Variants in APIP observed in about 807,000 individuals in gnomAD.
APIP encodes APAF1 interacting protein, also known as methylthioribulose-1-phosphate dehydratase.
APIP carries 32 observed loss-of-function variants against 32.0 expected under a neutral mutation model. The ratio of observed to expected loss-of-function variants is 1.00; its 90% CI spans 0.76 to 1.34. APIP has a LOEUF of 1.34. APIP is among the 40% of genes most tolerant of loss of function. The pLI, the probability that APIP is intolerant of heterozygous loss-of-function variation, is 0.00. For synonymous variants in APIP, 92 were observed against 94.8 expected, an observed-to-expected ratio of 0.97 and a Z score of 0.17; for missense variants, 247 against 298.6, an observed-to-expected ratio of 0.83 and a Z score of 1.27.
intron 1 of APIP, among the ~76,000 whole-genome samples, chr11:34,897,812 G>A (rs975667601): frequency 6.6e-6 from 1 of 152,082 alleles, no homozygotes; most frequent in Non-Finnish European, 1.5e-5. Context: ...GGCTAGGGTG[G>A]GAAGGCTAGT....
intron 1 of APIP, among the ~76,000 whole-genome samples, chr11:34,901,212 C>G (rs1470275892): frequency 6.6e-6 from 1 of 152,074 alleles, no homozygotes; most frequent in Non-Finnish European, 1.5e-5. Context: ...AAGGTGCATC[C>G]ACTAGCTGTT....
rs114857814 is a variant in APIP, at chr11:34,901,968, C to T, written c.58-6858G>A. 5.1e-3 allele frequency among the ~76,000 whole-genome samples: 783 copies of T among 152,226 alleles called. 7 individuals carry two copies. Among genetic ancestry groups the T allele is most frequent in the African/African-American group, 0.018 (736 of 41,520 alleles). On this transcript the variant is annotated intron_variant, in intron 1 of 6. Transcript: ENST00000395787. ...GGGCCTCCTCAAACCCTTTAATAGC[C>T]CCTGCAACACCCCAATATTAGGAGT... is the stretch of plus-strand genomic sequence containing the variant.
Position 34,890,520 on chromosome 11 carries a change from T to G in APIP, c.191A>C (p.Gln64Pro), listed in dbSNP as rs1265419402. The G allele has an allele frequency of 2.5e-6, 4 of 1,610,318 alleles. No homozygotes were observed. The highest frequency in any genetic ancestry group is 1.7e-6 in the Non-Finnish European group (2 of 1,178,138). Residue 64 changes from glutamine to proline, a missense_variant, in exon 3 of 7, where the codon CAA (glutamine) becomes CCA (proline). Transcript: ENST00000395787. The part of the protein sequence containing the change: ...DEIYIAPSGV[Q>P]KERIQPEDMF... ...TTACCATACCTGAATTCGTTCCTTT[T>G]GCACTCCTGAAGGAGCAATGTAGAT...
At chr11:34,899,390 A>G (rs1027699485) in intron 1 of APIP, among the ~76,000 whole-genome samples, 1 of 152,218 alleles carries the variant, frequency 6.6e-6, no homozygotes. Flanking sequence ...TCCCATCAGC[A>G]GGAAAATGGC....
Position 34,892,080 on chromosome 11 carries a change from T to G in APIP, c.159-1528A>C, listed in dbSNP as rs549781163. On this transcript the variant is annotated intron_variant, in intron 2 of 6. Transcript: ENST00000395787. The stretch of plus-strand genomic sequence containing the variant: ...TGTTTATTCAAGTGACTTGGTATGT[T>G]GTAAATGTCTTTGTAAAATGGAAAT... Among the ~76,000 whole-genome samples, 20 of 152,320 alleles carry G rather than the reference T, an allele frequency of 1.3e-4. No homozygotes were observed. In the South Asian group the frequency reaches 3.5e-3, roughly 27 times the overall value.
chr11:34,889,813 T>C (rs1853156120), intron 3 of APIP, among the ~76,000 whole-genome samples: 1 of 152,148 alleles, frequency 6.6e-6, no homozygotes, highest in South Asian at 2.1e-4. Context: ...AAGGACATGA[T>C]CTTGTTCTTT....
At position 34,914,771 on chromosome 11, in the gene APIP, A is replaced by AG. The variant is rs201571296; in HGVS notation, c.57+1456dup. Among the ~76,000 whole-genome samples, 1,348 of 152,196 alleles carry AG rather than the reference A, an allele frequency of 8.9e-3. 79 individuals carry two copies. The highest frequency in any genetic ancestry group is 0.08 in the Admixed American group (1,216 of 15,286). ...GTAATCCCAGCACTTTGGGCAGCTT[A>AG]GGGGGGTGGATCACCTGAGATAACG... On this transcript the variant is annotated intron_variant, in intron 1 of 6. Transcript: ENST00000395787.
At chr11:34,911,879 T>C (rs758239486) in intron 1 of APIP, among the ~76,000 whole-genome samples, 2 of 152,174 alleles carry the variant, frequency 1.3e-5, no homozygotes, top group Non-Finnish European at 2.9e-5. Context: ...ACTTCATCCT[T>C]TCCCCCCATG....
chr11:34,882,845 T>C, intron 6 of APIP, 29 bp from the exon 7 acceptor site: 3 of 1,485,664 alleles, frequency 2.0e-6, no homozygotes, highest in Non-Finnish European at 2.8e-6. Flanking sequence ...AAAGAACCAG[T>C]GTTTATCGAA....
At chr11:34,907,073 T>G (rs1853471570) in intron 1 of APIP, among the ~76,000 whole-genome samples, 1 of 152,120 alleles carries the variant, frequency 6.6e-6, no homozygotes, top group Non-Finnish European at 1.5e-5. Context: ...CGGCAGGAAG[T>G]AGCCAGAAAG....
Position 34,916,357 on chromosome 11 carries a change from G to A in APIP, c.-73C>T. On this transcript the variant is annotated 5_prime_UTR_variant, in exon 1 of 7. Coordinates refer to ENST00000395787, the MANE Select transcript of APIP (RefSeq NM_015957.4). ...CGCGCGGCGCTTAGCCTGGGATACG[G>A]CAGCGAGGCCGCAAATGCAATCAGG... The A allele has an allele frequency of 1.9e-6, 3 of 1,577,508 alleles. No individual in the cohort carries two copies. The highest frequency in any genetic ancestry group is 2.3e-5 in the East Asian group (1 of 42,658).
chr11:34,884,137 A>G (rs531649198), intron 5 of APIP, among the ~76,000 whole-genome samples: 17 of 152,358 alleles, frequency 1.1e-4, no homozygotes, highest in African/African-American at 3.8e-4. Flanking sequence ...TGTAATATTT[A>G]AACACATAAT....
rs899848978 is a variant in APIP at position 34,916,351 on chromosome 11, G to C, written c.-67C>G. 6 of 1,590,792 alleles carry C rather than the reference G, an allele frequency of 3.8e-6. No homozygotes were observed. Among genetic ancestry groups the C allele is most frequent in the Admixed American group, 1.8e-5 (1 of 56,912 alleles). On this transcript the variant is annotated 5_prime_UTR_variant, in exon 1 of 7. It adds an upstream start codon to the 5' untranslated region. Coordinates refer to ENST00000395787, the MANE Select transcript of APIP (RefSeq NM_015957.4). The stretch of plus-strand genomic sequence containing the variant: ...GCTTTGCGCGCGGCGCTTAGCCTGG[G>C]ATACGGCAGCGAGGCCGCAAATGCA...
rs1853007657 is a variant in APIP at position 34,883,522 on chromosome 11, CCATTTTTTTCCATTAAAACAAATCAAG to C, written c.462-45_462-19del. On this transcript the variant is annotated intron_variant, in intron 5 of 6. Coordinates refer to ENST00000395787, the MANE Select transcript of APIP (RefSeq NM_015957.4). ...CATCATATCTGTAAGACAAAACAAG[CCATTTTTTTCCATTAAAACAAATCAAG>C]CATTGATATGTATACAACATGTAAT... 1 of 1,606,598 alleles carries C rather than the reference CCATTTTTTTCCATTAAAACAAATCAAG, an allele frequency of 6.2e-7. No individual in the cohort carries two copies. The highest frequency in any genetic ancestry group is 1.1e-5 in the South Asian group (1 of 90,002).
intron 2 of APIP, among the ~76,000 whole-genome samples, chr11:34,891,316 TCAA>T (rs1427452931): frequency 4.6e-5 from 7 of 152,158 alleles, no homozygotes; most frequent in African/African-American, 1.2e-4. Flanking sequence ...CCCTCCACCC[TCAA>T]CAACAACTAA....
chr11:34,916,251 AAC>A lies in APIP; in HGVS notation c.32_33del (p.Cys11LeufsTer38). 1 of 1,612,578 alleles carries A rather than the reference AAC, an allele frequency of 6.2e-7. No individual in the cohort carries two copies. Among genetic ancestry groups the A allele is most frequent in the South Asian group, 1.1e-5 (1 of 90,956 alleles). On this transcript the variant is annotated frameshift_variant, in exon 1 of 7. Coordinates refer to ENST00000395787, the MANE Select transcript of APIP (RefSeq NM_015957.4). LOFTEE classifies it high-confidence loss of function. The stretch of plus-strand genomic sequence containing the variant: ...ACCTGCGCGCCGCATCTCCGGGAAC[AAC>A]AGTCTCCCTCCCGAGCATCACAGCC... MSGCDAREGD[C>X]CSRRCGAQDK...
intron 5 of APIP, among the ~76,000 whole-genome samples, chr11:34,887,700 G>A (rs1472047760): frequency 6.6e-6 from 1 of 152,144 alleles, no homozygotes; most frequent in Non-Finnish European, 1.5e-5. Flanking sequence ...CCTGAACACT[G>A]AGAACATGTT....
rs571849612 is a variant in APIP, at chr11:34,892,421, T to C, written c.159-1869A>G. ...TATGTTCAGTTGCTTCTATTTTTAT[T>C]TGCTTTCTGGTCAGTTAAAAAATAA... On this transcript the variant is annotated intron_variant, in intron 2 of 6. Coordinates refer to ENST00000395787, the MANE Select transcript of APIP (RefSeq NM_015957.4). 1.5e-4 allele frequency among the ~76,000 whole-genome samples: 23 copies of C among 152,302 alleles called. No individual in the cohort carries two copies. In the South Asian group the frequency reaches 4.4e-3, roughly 29 times the overall value.
intron 1 of APIP, among the ~76,000 whole-genome samples, chr11:34,895,973 AT>A (rs1299981829): frequency 6.6e-6 from 1 of 152,242 alleles, no homozygotes; most frequent in Non-Finnish European, 1.5e-5. Context: ...TGAATAAATT[AT>A]TTTTTAAAAT....
Sources: allele counts gnomAD v4.1 joint callset (sites outside exome capture counted in the v4.1 genomes callset), GRCh38; gene constraint gnomAD v4.1.1; transcripts MANE v1.5; gene names NCBI Gene and HGNC (gene_info 2026-07-23, HGNC 2026-07-21).